Variants in HTATSF1 observed in about 807,000 individuals in gnomAD.
HTATSF1 encodes 17S U2 SnRNP complex component HTATSF1.
In HTATSF1, 6 loss-of-function variants were observed where a neutral mutation model predicts 46.1. That is an observed-to-expected ratio of 0.13 (90% CI 0.07 to 0.26). HTATSF1 has a LOEUF of 0.26. HTATSF1 is among the 10% of genes least tolerant of loss of function. The probability of loss-of-function intolerance (pLI) is 1.00; values close to 1 mark genes in which losing one functional copy is unlikely to be tolerated. For missense variants in HTATSF1, 452 were observed against 559.9 expected (o/e 0.81, Z 1.94); for synonymous variants, 226 against 211.5 (o/e 1.07, Z -0.60).
intron 1 of HTATSF1, among the ~76,000 whole-genome samples, chrX:136,498,427 ATGTT>A (rs1170688705): frequency 6.2e-5 from 7 of 112,460 alleles, no homozygotes; most frequent in African/African-American, 9.7e-5. Context: ...AAATCTGTGT[ATGTT>A]TGTTTGGAAT....
intron 6 of HTATSF1, 47 bp from the exon 7 acceptor site, chrX:136,509,044 T>C: frequency 1.2e-6 from 1 of 867,085 alleles, no homozygotes; most frequent in Non-Finnish European, 1.7e-6. Flanking sequence ...TCAGGATTTA[T>C]AGTTAAAGAA....
chrX:136,504,475 T>A lies in HTATSF1; in HGVS notation c.834+12T>A, dbSNP rs1181568727. 2.6e-6 allele frequency: 3 copies of A among 1,143,621 alleles called. No individual in the cohort carries two copies. The South Asian group carries it at 5.6e-5, about 21-fold the overall frequency. The allele number at this position is 1,143,621 out of a possible 1,213,427, so 94.2% of individuals were successfully genotyped here. A position where few individuals can be genotyped will look rare whatever the true frequency, so the allele number is the denominator to read the frequency against. On this transcript the variant is annotated intron_variant, in intron 6 of 8. Coordinates refer to ENST00000218364, the MANE Select transcript of HTATSF1 (RefSeq NM_014500.5). ...CTATGGATTTTGAGGTAGGAAGTGG[T>A]GTGCTTACTGATAGAAATGCTGATA...
Position 136,500,717 on chromosome X carries a change from G to A in HTATSF1, c.469G>A (p.Gly157Ser). Residue 157 changes from glycine to serine, a missense_variant, in exon 4 of 9, where the codon GGC becomes AGC. Transcript: ENST00000218364. Reference protein sequence around the residue: ...DEFIQLMSKFGIIMRDPQTEE... With the variant: ...DEFIQLMSKFSIIMRDPQTEE... ...ATTTATACAACTTATGTCCAAGTTTGGCATTATTATGAGAGATCCTCAGAC... is the reference window on the plus strand; with the variant it reads ...ATTTATACAACTTATGTCCAAGTTTAGCATTATTATGAGAGATCCTCAGAC... 1 of 1,143,306 alleles carries A rather than the reference G, an allele frequency of 8.7e-7. No homozygotes were observed. Among genetic ancestry groups the A allele is most frequent in the Non-Finnish European group, 1.2e-6 (1 of 858,820 alleles). 94.2% of individuals were successfully genotyped at this position (1,143,306 alleles called of 1,213,427 possible).
At chrX:136,509,522 A>G (rs1482992839) in intron 7 of HTATSF1, among the ~76,000 whole-genome samples, 1 of 112,008 alleles carries the variant, frequency 8.9e-6, no homozygotes, top group East Asian at 2.8e-4. Flanking sequence ...TGGAACAATC[A>G]GGGACAATAT....
upstream of HTATSF1, chrX:136,497,280 G>A (rs1236892241): frequency 8.8e-6 from 1 of 113,102 alleles, no homozygotes; most frequent in Non-Finnish European, 1.9e-5. Context: ...GGCCTGAGCA[G>A]GGCTTAGTTT....
Position 136,511,389 on chromosome X carries a change from T to C in HTATSF1, c.1644T>C (p.Ser548=). The stretch of plus-strand genomic sequence containing the variant: ...AAGAAGATGACTCAGAGAAAGAGTC[T>C]GATGAAGACTGCTCTGAAAAACAGT... ...ESEEDDSEKE[S]DEDCSEKQSE... Residue 548 remains serine, a synonymous_variant, in exon 9 of 9, where the codon TCT becomes TCC. Transcript: ENST00000218364. 1 of 1,209,950 alleles carries C rather than the reference T, an allele frequency of 8.3e-7. No homozygotes were observed. The highest frequency in any genetic ancestry group is 3.0e-5 in the East Asian group (1 of 33,824).
Position 136,511,827 on chromosome X carries a change from A to T in HTATSF1, c.2082A>T (p.Glu694Asp), listed in dbSNP as rs780977223. The T allele has an allele frequency of 8.3e-7, 1 of 1,211,504 alleles. No homozygotes were observed. The highest frequency in any genetic ancestry group is 1.1e-6 in the Non-Finnish European group (1 of 895,364). The stretch of plus-strand genomic sequence containing the variant: ...GAAAGGAAGTTGAAGATGCTGACGA[A>T]AAGTTGTTCGAAGATGATGATTCCA... ...ADGKEVEDAD[E>D]KLFEDDDSNE... is the part of the protein sequence containing the mutation. The change falls in exon 9 of 9, where the codon GAA (glutamate) becomes GAT (aspartate). Residue 694 changes from glutamate to aspartate, a missense_variant. This residue lies in a region of HTATSF1 where 246 missense variants were observed against 245.3 expected (regional missense o/e 1.00). Transcript: ENST00000218364.
At chrX:136,501,048 T>G (rs778908621) in intron 4 of HTATSF1, among the ~76,000 whole-genome samples, 19 of 112,598 alleles carry the variant, frequency 1.7e-4, no homozygotes, top group East Asian at 8.3e-4. Context: ...CTGGAGTGCT[T>G]CTTCTGTCTT....
At chrX:136,506,436 G>A (rs1301254346) in intron 6 of HTATSF1, among the ~76,000 whole-genome samples, 1 of 108,676 alleles carries the variant, frequency 9.2e-6, no homozygotes, top group Non-Finnish European at 1.9e-5. Flanking sequence ...ATGACACCCA[G>A]TATTTTGTCT....
Position 136,497,631 on chromosome X carries a change from G to T in HTATSF1, c.-54G>T. 1.9e-6 allele frequency: 2 copies of T among 1,057,424 alleles called. No individual in the cohort carries two copies. Among genetic ancestry groups the T allele is most frequent in the Non-Finnish European group, 2.6e-6 (2 of 781,372 alleles). The allele number at this position is 1,057,424 out of a possible 1,213,427, so 87.1% of individuals were successfully genotyped here. A position where few individuals can be genotyped will look rare whatever the true frequency, so the allele number is the denominator to read the frequency against. On this transcript the variant is annotated 5_prime_UTR_variant, in exon 1 of 9. Transcript: ENST00000218364. The stretch of plus-strand genomic sequence containing the variant: ...CTCCCTTTCTCTGCTCAGCTCCAGC[G>T]TCATTTCGGCCTCTTAGTTCTTCTG...
At chrX:136,497,472 A>G (rs1432793293), upstream of HTATSF1, 2 of 190,692 alleles carry the variant, frequency 1.0e-5, no homozygotes, top group East Asian at 9.5e-5. Context: ...TCACAGCATC[A>G]GCGCGCGCGC....
intron 6 of HTATSF1, 59 bp downstream of exon 6, chrX:136,504,522 G>T: frequency 2.2e-6 from 2 of 912,196 alleles, no homozygotes; most frequent in Non-Finnish European, 1.6e-6. Context: ...TCTCAAGGGA[G>T]CCTGGAGCTT....
At chrX:136,500,127 TTTTA>T in intron 2 of HTATSF1, 27 bp from the exon 3 acceptor site, 6 of 917,378 alleles carry the variant, frequency 6.5e-6, no homozygotes, top group South Asian at 2.0e-5. Flanking sequence ...TTTGCAAGTG[TTTTA>T]TTTATTTAAT....
chrX:136,510,117 G>A lies in HTATSF1; in HGVS notation c.960G>A (p.Arg320=), dbSNP rs763776264. The change falls in exon 8 of 9, where the codon CGG becomes CGA. Residue 320 remains arginine (R), a synonymous_variant. Coordinates refer to ENST00000218364, the MANE Select transcript of HTATSF1 (RefSeq NM_014500.5). ...ATGGTGTGGCCTCTGTGTCCTTTCG[G>A]GATCCAGAGGAAGCTGATTATTGTA... ...HPDGVASVSF[R]DPEEADYCIQ... is the part of the protein sequence containing the mutation. 8.3e-7 allele frequency: 1 copy of A among 1,206,459 alleles called. No homozygotes were observed. Among genetic ancestry groups the A allele is most frequent in the East Asian group, 3.0e-5 (1 of 33,622 alleles).
chrX:136,503,554 A>G (rs955901734), intron 5 of HTATSF1, among the ~76,000 whole-genome samples: 3 of 112,322 alleles, frequency 2.7e-5, no homozygotes, highest in Non-Finnish European at 5.6e-5. Context: ...CATTGTTTTT[A>G]CAAGTGTAGG....
In HTATSF1 at chrX:136,497,774, C is replaced by G; in HGVS notation, c.90C>G (p.Thr30=). The G allele has an allele frequency of 8.3e-7, 1 of 1,203,741 alleles. No individual in the cohort carries two copies. The highest frequency in any genetic ancestry group is 1.1e-6 in the Non-Finnish European group (1 of 889,709). The change falls in exon 1 of 9, where the codon ACC becomes ACG. Residue 30 remains threonine (T), a synonymous_variant. Transcript: ENST00000218364. ...ACGGAGACGGCAAGGATGGTGACAC[C>G]CAGACCGATGCCGGCGGAGAACCCG... ...ELYGDGKDGD[T]QTDAGGEPDS...
In HTATSF1 at chrX:136,511,849, T is replaced by G; in HGVS notation, c.2104T>G (p.Ser702Ala). 8.3e-7 allele frequency: 1 copy of G among 1,211,489 alleles called. No homozygotes were observed. Among genetic ancestry groups the G allele is most frequent in the Non-Finnish European group, 1.1e-6 (1 of 895,369 alleles). The change falls in exon 9 of 9, where the codon TCC becomes GCC. Residue 702 changes from serine to alanine, a missense_variant. Ser to Ala is a moderately conservative substitution (Grantham distance 99, BLOSUM62 1). Transcript: ENST00000218364. ...CGAAAAGTTGTTCGAAGATGATGATTCCAATGAGAAGTTGTTTGATGAGGA... is the reference window on the plus strand; with the variant it reads ...CGAAAAGTTGTTCGAAGATGATGATGCCAATGAGAAGTTGTTTGATGAGGA... Reference protein sequence around the residue: ...ADEKLFEDDDSNEKLFDEEED... With the variant: ...ADEKLFEDDDANEKLFDEEED...
chrX:136,511,783 G>A lies in HTATSF1; in HGVS notation c.2038G>A (p.Glu680Lys). The A allele has an allele frequency of 8.3e-7, 1 of 1,211,730 alleles. No homozygotes were observed. Among genetic ancestry groups the A allele is most frequent in the Non-Finnish European group, 1.1e-6 (1 of 895,439 alleles). The change falls in exon 9 of 9, where the codon GAA (glutamate) becomes AAA (lysine). Residue 680 changes from glutamate (E) to lysine (K), a missense_variant. Physicochemically the swap from Glu to Lys is moderately conservative, Grantham distance 56 (BLOSUM62 1). Around this residue, in one of 3 missense-constraint regions of HTATSF1, gnomAD observed 246 missense variants for 245.3 expected, o/e 1.00. Transcript: ENST00000218364. ...GCTGTTTGAAGAGTCAGATGACAAG[G>A]AAGATGAAGATGCAGATGGAAAGGA... ...EKLFEESDDK[E>K]DEDADGKEVE...
At chrX:136,499,472 C>T (rs2075707560) in intron 1 of HTATSF1, 126 bp from the exon 2 acceptor site, 1 of 478,947 alleles carries the variant, frequency 2.1e-6, no homozygotes, top group Non-Finnish European at 3.3e-6. Flanking sequence ...ATAACTACAA[C>T]TATTATCCAC....
Sources: allele counts gnomAD v4.1 joint callset (sites outside exome capture counted in the v4.1 genomes callset), GRCh38; gene constraint gnomAD v4.1.1; regional missense constraint gnomAD v4.1.1; transcripts MANE v1.5; gene names NCBI Gene and HGNC (gene_info 2026-07-23, HGNC 2026-07-21).